Variants in NCOA1 observed in about 807,000 individuals in gnomAD.
NCOA1 encodes Hin-2 protein.
In NCOA1, 35 loss-of-function variants were observed where a neutral mutation model predicts 150.9. The ratio of observed to expected loss-of-function variants is 0.23; its 90% CI spans 0.18 to 0.31. The LOEUF is 0.31. NCOA1 is among the 10% of genes least tolerant of loss of function. The pLI is 1.00. For synonymous variants in NCOA1, 590 were observed against 630.0 expected (o/e 0.94, Z 0.95); for missense variants, 1,491 against 1,749.3 (o/e 0.85, Z 2.63).
At chr2:24,539,986 G>C (rs181569297) in intron 1 of NCOA1, among the ~76,000 whole-genome samples, 4 of 152,284 alleles carry the variant, frequency 2.6e-5, no homozygotes, top group Admixed American at 6.5e-5. Context: ...GAAGCAGTTG[G>C]GGGTAACTGG....
intron 3 of NCOA1, among the ~76,000 whole-genome samples, chr2:24,598,352 C>T (rs1181575103): frequency 1.3e-5 from 2 of 152,012 alleles, no homozygotes; most frequent in Admixed American, 6.5e-5. Context: ...AAGAAACATT[C>T]ATTGCTATGG....
intron 7 of NCOA1, among the ~76,000 whole-genome samples, chr2:24,677,409 G>C (rs1558896189): frequency 6.6e-6 from 1 of 152,002 alleles, no homozygotes; most frequent in East Asian, 1.9e-4. Flanking sequence ...AAGGAAAGAG[G>C]GATGTTTTTG....
chr2:24,621,553 A>ACCTCCTGGGTTCCCTCCTGGGTTC (rs55751342), intron 3 of NCOA1, among the ~76,000 whole-genome samples: 1 of 138,924 alleles, frequency 7.2e-6, no homozygotes, highest in Non-Finnish European at 1.5e-5. Flanking sequence ...TGCAACCTCC[A>ACCTCCTGGGTTCCCTCCTGGGTTC]CCTCCTGGGT....
At chr2:24,638,180 C>CTTTTTTTTT (rs544369191) in intron 3 of NCOA1, among the ~76,000 whole-genome samples, 2 of 89,510 alleles carry the variant, frequency 2.2e-5, no homozygotes, top group Non-Finnish European at 2.3e-5. Flanking sequence ...ATGAGATCAA[C>CTTTTTTTTT]TTTTTTTTTT....
chr2:24,494,231 C>T (rs1283475375), intron 1 of NCOA1, among the ~76,000 whole-genome samples: 1 of 152,120 alleles, frequency 6.6e-6, no homozygotes, highest in Non-Finnish European at 1.5e-5. Context: ...TTCCCCAATT[C>T]TGTATAGGGA....
chr2:24,727,943 A>G (rs964435083), intron 15 of NCOA1, among the ~76,000 whole-genome samples: 7 of 152,358 alleles, frequency 4.6e-5, no homozygotes, highest in African/African-American at 1.7e-4. Context: ...GAATAAGTAG[A>G]ATAAATCTGA....
At chr2:24,715,767 C>T (rs1245427930) in intron 14 of NCOA1, among the ~76,000 whole-genome samples, 1 of 152,170 alleles carries the variant, frequency 6.6e-6, no homozygotes, top group Non-Finnish European at 1.5e-5. Flanking sequence ...ATACCATTTT[C>T]ATGGATTGTA....
At chr2:24,710,124 C>A (rs1474214671) in intron 13 of NCOA1, among the ~76,000 whole-genome samples, 4 of 151,838 alleles carry the variant, frequency 2.6e-5, no homozygotes, top group Non-Finnish European at 5.9e-5. Context: ...ATGGGAGTCT[C>A]GCTCTGTAGC....
At chr2:24,717,101 A>G (rs1385701080) in intron 14 of NCOA1, among the ~76,000 whole-genome samples, 1 of 152,192 alleles carries the variant, frequency 6.6e-6, no homozygotes, top group Non-Finnish European at 1.5e-5. Flanking sequence ...TGCAAATTAA[A>G]ACAACAATAT....
At chr2:24,571,093 C>G (rs552726896) in intron 2 of NCOA1, among the ~76,000 whole-genome samples, 1 of 151,834 alleles carries the variant, frequency 6.6e-6, no homozygotes, top group Non-Finnish European at 1.5e-5. Context: ...ATTGATGTAA[C>G]GAAAGATATG....
intron 1 of NCOA1, among the ~76,000 whole-genome samples, chr2:24,538,367 T>C (rs1456815370): frequency 6.6e-6 from 1 of 152,214 alleles, no homozygotes; most frequent in African/African-American, 2.4e-5. Flanking sequence ...TAAGATGGTA[T>C]TATCCTTTCC....
intron 3 of NCOA1, among the ~76,000 whole-genome samples, chr2:24,636,863 G>GT (rs1205890063): frequency 2.0e-5 from 3 of 151,332 alleles, no homozygotes; most frequent in Non-Finnish European, 2.9e-5. Flanking sequence ...CATCCATTGA[G>GT]TTTTTTTTAA....
chr2:24,749,719 G>A (rs1172513878), intron 19 of NCOA1, among the ~76,000 whole-genome samples: 2 of 151,722 alleles, frequency 1.3e-5, no homozygotes, highest in Non-Finnish European at 2.9e-5. Flanking sequence ...TTTAAAAGAA[G>A]AGAAAAAAAA....
chr2:24,544,414 T>C (rs1176306645), intron 1 of NCOA1, among the ~76,000 whole-genome samples: 2 of 152,112 alleles, frequency 1.3e-5, no homozygotes, highest in African/African-American at 4.8e-5. Context: ...GAAGAGGTGA[T>C]CCAGGTCAAG....
intron 14 of NCOA1, among the ~76,000 whole-genome samples, chr2:24,724,312 T>C (rs1377309721): frequency 6.6e-5 from 10 of 152,176 alleles, no homozygotes; most frequent in African/African-American, 2.2e-4. Flanking sequence ...CATGTTTGTG[T>C]CACAGAAATG....
At chr2:24,593,614 A>T (rs1481985812) in intron 3 of NCOA1, among the ~76,000 whole-genome samples, 2 of 152,186 alleles carry the variant, frequency 1.3e-5, no homozygotes, top group Non-Finnish European at 2.9e-5. Flanking sequence ...GACTTACACA[A>T]GCATCTTAAT....
chr2:24,596,624 A>T (rs1667897426), intron 3 of NCOA1, among the ~76,000 whole-genome samples: 1 of 152,182 alleles, frequency 6.6e-6, no homozygotes, highest in Non-Finnish European at 1.5e-5. Context: ...GTAAACCTAG[A>T]TCCTGAATTT....
intron 1 of NCOA1, among the ~76,000 whole-genome samples, chr2:24,558,565 A>G (rs894505557): frequency 2.4e-4 from 36 of 152,270 alleles, no homozygotes; most frequent in African/African-American, 6.7e-4. Flanking sequence ...CCATAATTCA[A>G]TTACTTCCCC....
intron 1 of NCOA1, among the ~76,000 whole-genome samples, chr2:24,549,639 T>G (rs1338215607): frequency 3.3e-5 from 5 of 152,232 alleles, no homozygotes; most frequent in African/African-American, 9.6e-5. Flanking sequence ...CAATCTGGGC[T>G]CACTGCAAGC....
Sources: allele counts gnomAD v4.1 joint callset (sites outside exome capture counted in the v4.1 genomes callset), GRCh38; gene constraint gnomAD v4.1.1; transcripts MANE v1.5; gene names NCBI Gene and HGNC (gene_info 2026-07-23, HGNC 2026-07-21).